RAD51AP2: variants seen among roughly 807,000 people sequenced by gnomAD.
The protein encoded by RAD51AP2 is RAD51-associated protein 2.
Under a neutral mutation model 85.5 loss-of-function variants are expected in RAD51AP2, and 67 were observed. That is an observed-to-expected ratio of 0.78 (90% CI 0.64 to 0.96). RAD51AP2 has a LOEUF of 0.96. Ranked by LOEUF, RAD51AP2 falls within the 40% of genes least tolerant of loss-of-function variation. The pLI is 0.00. For missense variants in RAD51AP2, 1,307 were observed against 1,332.4 expected (o/e 0.98, Z 0.30); for synonymous variants, 474 against 446.5 (o/e 1.06, Z -0.78).
At chr2:17,514,533 C>A (rs530928321) in intron 1 of RAD51AP2, among the ~76,000 whole-genome samples, 1 of 98,020 alleles carries the variant, frequency 1.0e-5, no homozygotes, top group South Asian at 3.1e-4. Flanking sequence ...AGGCCGAGGG[C>A]GGCGGGGGGG....
chr2:17,522,901 A>G (rs1318277695), upstream of RAD51AP2, among the ~76,000 whole-genome samples: 2 of 152,126 alleles, frequency 1.3e-5, no homozygotes, highest in East Asian at 3.9e-4. Context: ...AAGGAATTAC[A>G]TATATTGACA....
At position 17,517,507 on chromosome 2, in the gene RAD51AP2, A is replaced by G. The variant is rs771968445; in HGVS notation, c.909T>C (p.Pro303=). Residue 303 remains proline (P), a synonymous_variant, in exon 1 of 3, where the codon CCT becomes CCC. Coordinates refer to ENST00000399080, the MANE Select transcript of RAD51AP2 (RefSeq NM_001099218.3). The part of the protein sequence containing the change: ...FTNIYWSQNR[P]DVKKQKLQND... ...TCTGTAACTTTTGCTTCTTAACATC[A>G]GGTCTATTTTGGGACCAGTAAATGT... The G allele has an allele frequency of 3.7e-6, 6 of 1,613,806 alleles. No homozygotes were observed. In the South Asian group the frequency reaches 6.6e-5, roughly 18 times the overall value.
At chr2:17,534,821 G>A in the RAD51AP2 span, among the ~76,000 whole-genome samples, 9 of 152,136 alleles carry the variant, frequency 5.9e-5, no homozygotes, top group East Asian at 3.9e-4. Flanking sequence ...AATACTTTGT[G>A]GATTATTTGC....
intron 2 of RAD51AP2, 63 bp from the exon 3 acceptor site, chr2:17,511,018 T>A: frequency 1.7e-6 from 2 of 1,178,636 alleles, no homozygotes. Flanking sequence ...AAATCTTTAC[T>A]TCTAATCATG....
At chr2:17,534,744 C>G in the RAD51AP2 span, among the ~76,000 whole-genome samples, 1 of 151,914 alleles carries the variant, frequency 6.6e-6, no homozygotes, top group South Asian at 2.1e-4. Context: ...GCCTAATGTC[C>G]AGAAAAATAA....
intron 1 of RAD51AP2, among the ~76,000 whole-genome samples, chr2:17,514,947 T>C (rs1662605512): frequency 6.7e-6 from 1 of 150,158 alleles, no homozygotes; most frequent in Admixed American, 6.6e-5. Flanking sequence ...AAGGAGTAAC[T>C]GCAGCTTGCT....
chr2:17,512,774 G>A (rs951838499), intron 2 of RAD51AP2, among the ~76,000 whole-genome samples: 3 of 152,126 alleles, frequency 2.0e-5, no homozygotes, highest in Non-Finnish European at 4.4e-5. Context: ...GACTCATGGA[G>A]TATTGTTCCA....
chr2:17,510,693 A>ACTTCTCC lies in RAD51AP2; in HGVS notation c.*110_*111insGGAGAAG. 1.7e-6 allele frequency: 1 copy of ACTTCTCC among 594,088 alleles called. No homozygotes were observed. The allele number at this position is 594,088 out of a possible 1,614,324, so 36.8% of individuals were successfully genotyped here. ...CATAATTTATACACTCAAAAAAAAA[A>ACTTCTCC]ACTTCTCCACTTTATAATAAAGCAA... On this transcript the variant is annotated 3_prime_UTR_variant, in exon 3 of 3. Transcript: ENST00000399080.
At chr2:17,514,120 C>A in intron 1 of RAD51AP2, 28 bp from the exon 2 acceptor site, 1 of 1,234,342 alleles carries the variant, frequency 8.1e-7, no homozygotes, top group Non-Finnish European at 1.2e-6. Flanking sequence ...TATGTTACAG[C>A]AAAAAGTAAC....
rs777328333 is a variant in RAD51AP2 at position 17,517,326 on chromosome 2, T to C, written c.1090A>G (p.Arg364Gly). Residue 364 changes from arginine (R) to glycine (G), a missense_variant, in exon 1 of 3, where the codon AGA becomes GGA. By Grantham distance (125) the Arg-to-Gly change is moderately radical (BLOSUM62 -2). Coordinates refer to ENST00000399080, the MANE Select transcript of RAD51AP2 (RefSeq NM_001099218.3). ...SSIQCNVRDS[R>G]KNFAILENAN... ...TTTTCTAGTATAGCGAAATTCTTTC[T>C]AGAGTCTCTTACATTACACTGGATA... 1.2e-6 allele frequency: 2 copies of C among 1,613,920 alleles called. No homozygotes were observed. Among genetic ancestry groups the C allele is most frequent in the Non-Finnish European group, 8.5e-7 (1 of 1,179,972 alleles).
At position 17,517,149 on chromosome 2, in the gene RAD51AP2, T is replaced by C; in HGVS notation, c.1267A>G (p.Met423Val). The C allele has an allele frequency of 6.2e-7, 1 of 1,608,390 alleles. No homozygotes were observed. Among genetic ancestry groups the C allele is most frequent in the Non-Finnish European group, 8.5e-7 (1 of 1,178,060 alleles). The change falls in exon 1 of 3, where the codon ATG becomes GTG. Residue 423 changes from methionine to valine, a missense_variant. Physicochemically the swap from Met to Val is conservative, Grantham distance 21. This residue lies in a region of RAD51AP2 where 635 missense variants were observed against 643.6 expected (regional missense o/e 0.99). Coordinates refer to ENST00000399080, the MANE Select transcript of RAD51AP2 (RefSeq NM_001099218.3). The stretch of plus-strand genomic sequence containing the variant: ...TTCCATTTTTCTTCAGTTTTTTTCA[T>C]ATTTTCACATTTAGTCTTGCAATTA... ...INNCKTKCEN[M>V]KKTEEKWNWL... is the part of the protein sequence containing the mutation.
the RAD51AP2 span, among the ~76,000 whole-genome samples, chr2:17,534,892 T>C: frequency 3.0e-4 from 46 of 152,354 alleles, no homozygotes; most frequent in African/African-American, 1.1e-3. Flanking sequence ...AGTTTCTTCA[T>C]ATCAAAGAAC....
the RAD51AP2 span, among the ~76,000 whole-genome samples, chr2:17,530,883 G>A: frequency 6.6e-6 from 1 of 152,250 alleles, no homozygotes; most frequent in Non-Finnish European, 1.5e-5. Flanking sequence ...TAATCCATCA[G>A]ATTCAAACTG....
At chr2:17,534,173 C>A in the RAD51AP2 span, among the ~76,000 whole-genome samples, 1 of 152,006 alleles carries the variant, frequency 6.6e-6, no homozygotes, top group East Asian at 1.9e-4. Flanking sequence ...AATTTTAGTG[C>A]AAAATTTTCC....
Position 17,515,307 on chromosome 2 carries a change from C to A in RAD51AP2, c.3109G>T (p.Gly1037Cys), listed in dbSNP as rs536719450. Residue 1037 changes from glycine (G) to cysteine (C), a missense_variant, in exon 1 of 3, where the codon GGT becomes TGT. Physicochemically the swap from Gly to Cys is radical, Grantham distance 159. Around this residue, in one of 3 missense-constraint regions of RAD51AP2, gnomAD observed 668 missense variants for 671.0 expected, o/e 1.00. Coordinates refer to ENST00000399080, the MANE Select transcript of RAD51AP2 (RefSeq NM_001099218.3). ...ASSSFHDTIA[G>C]PNMGKSHQSL... ...TGGTGACTTTTGCCCATATTAGGAC[C>A]TGCTATAGTATCATGGAACGAGGAA... is the stretch of plus-strand genomic sequence containing the variant. 6.2e-7 allele frequency: 1 copy of A among 1,613,692 alleles called. No homozygotes were observed. Among genetic ancestry groups the A allele is most frequent in the Non-Finnish European group, 8.5e-7 (1 of 1,179,816 alleles).
upstream of RAD51AP2, among the ~76,000 whole-genome samples, chr2:17,518,634 C>A (rs866401420): frequency 6.6e-6 from 1 of 151,144 alleles, no homozygotes; most frequent in Non-Finnish European, 1.5e-5. Flanking sequence ...CACCCACGCG[C>A]CCCGGTTGTC....
In RAD51AP2 at chr2:17,516,597, A is replaced by C. The variant is rs747986163; in HGVS notation, c.1819T>G (p.Cys607Gly). 1.9e-6 allele frequency: 3 copies of C among 1,580,764 alleles called. No individual in the cohort carries two copies. The South Asian group carries it at 3.5e-5, about 19-fold the overall frequency. The stretch of plus-strand genomic sequence containing the variant: ...AAATAAAGCATGCACTTGAAAATGC[A>C]TTCCTCTTCTAATTCAAAATCATTT... ...IENDFELEEE[C>G]IFKCMLYLKY... The change falls in exon 1 of 3, where the codon TGC (cysteine) becomes GGC (glycine). Residue 607 changes from cysteine to glycine, a missense_variant. Around this residue, in one of 3 missense-constraint regions of RAD51AP2, gnomAD observed 668 missense variants for 671.0 expected, o/e 1.00. Coordinates refer to ENST00000399080, the MANE Select transcript of RAD51AP2 (RefSeq NM_001099218.3).
rs1043349767 is a variant in RAD51AP2, at chr2:17,516,411, A to G, written c.2005T>C (p.Ser669Pro). ...GTATTTTGAGTTGTCATACTGAAGG[A>G]ATTAATGAGTTTTTTCTTAGACTTT... ...FEKSKKKLIN[S>P]FSMTTQNTGF... The change falls in exon 1 of 3, where the codon TCC (serine) becomes CCC (proline). Residue 669 changes from serine to proline, a missense_variant. Ser to Pro is a moderately conservative substitution (Grantham distance 74). This residue lies in a region of RAD51AP2 where 668 missense variants were observed against 671.0 expected (regional missense o/e 1.00). Coordinates refer to ENST00000399080, the MANE Select transcript of RAD51AP2 (RefSeq NM_001099218.3). The G allele has an allele frequency of 3.1e-6, 5 of 1,602,658 alleles. No individual in the cohort carries two copies. In the Admixed American group the frequency reaches 5.2e-5, roughly 17 times the overall value.
Position 17,517,157 on chromosome 2 carries a change from C to T in RAD51AP2, c.1259G>A (p.Cys420Tyr). The change falls in exon 1 of 3, where the codon TGT (cysteine) becomes TAT (tyrosine). Residue 420 changes from cysteine (C) to tyrosine (Y), a missense_variant. Cys to Tyr is a radical substitution (Grantham distance 194). Coordinates refer to ENST00000399080, the MANE Select transcript of RAD51AP2 (RefSeq NM_001099218.3). Reference sequence around the variant, plus strand: ...TTCTTCAGTTTTTTTCATATTTTCACATTTAGTCTTGCAATTATTTATAAT... The same window carrying T: ...TTCTTCAGTTTTTTTCATATTTTCATATTTAGTCTTGCAATTATTTATAAT... ...CWIINNCKTKCENMKKTEEKW... is the reference protein window; with the variant it reads ...CWIINNCKTKYENMKKTEEKW... The T allele has an allele frequency of 6.2e-7, 1 of 1,608,754 alleles. No individual in the cohort carries two copies. The highest frequency in any genetic ancestry group is 1.1e-5 in the South Asian group (1 of 89,608).
Sources: gnomAD v4.1 joint callset for allele counts (sites outside exome capture counted in the v4.1 genomes callset) on GRCh38, gnomAD v4.1.1 for gene constraint, gnomAD v4.1.1 regional missense constraint, MANE v1.5 for transcripts, NCBI Gene and HGNC (gene_info 2026-07-23, HGNC 2026-07-21) for gene names.